The following CXCL13 variants were observed in gnomAD, a reference collection of about 807,000 sequenced individuals.
CXCL13 encodes C-X-C motif chemokine ligand 13.
In CXCL13, 7 loss-of-function variants were observed where a neutral mutation model predicts 12.2. The observed-to-expected ratio is 0.57, with a 90% confidence interval of 0.33 to 1.07. The LOEUF (loss-of-function observed/expected upper bound fraction) is 1.07, where lower values mean the gene tolerates loss of function less well. Ranked by LOEUF, CXCL13 falls within the 50% of genes least tolerant of loss-of-function variation. CXCL13 has a pLI of 0.04. For missense variants in CXCL13, 113 were observed against 127.4 expected (o/e 0.89, Z 0.55); for synonymous variants, 47 against 42.4 (o/e 1.11, Z -0.42).
chr4:77,523,551 T>G (rs1724674698), intron 1 of CXCL13, among the ~76,000 whole-genome samples: 1 of 152,232 alleles, frequency 6.6e-6, no homozygotes, highest in South Asian at 2.1e-4. Context: ...GCCATGGTTT[T>G]CAGCTCCATC....
chr4:77,596,213 G>A (rs1008322374), intron 1 of CXCL13, among the ~76,000 whole-genome samples: 2 of 152,202 alleles, frequency 1.3e-5, no homozygotes, highest in Non-Finnish European at 2.9e-5. Context: ...TGTCCATTAA[G>A]ATGATTTTCT....
chr4:77,550,741 T>C lies in CXCL13; in HGVS notation c.-43+38953T>C, dbSNP rs1725497341. Among the ~76,000 whole-genome samples, 15 of 152,286 alleles carry C rather than the reference T, an allele frequency of 9.8e-5. No individual in the cohort carries two copies. In the South Asian group the frequency reaches 3.1e-3, roughly 32 times the overall value. On this transcript the variant is annotated intron_variant, in intron 1 of 4. Coordinates refer to the CXCL13 transcript ENST00000286758. ...TAAAATTCCCCAATATTATTGTGTC[T>C]ATGTCTAAGTCTTTTCATAGGTCTA... is the stretch of plus-strand genomic sequence containing the variant.
At position 77,517,356 on chromosome 4, in the gene CXCL13, T is replaced by C. The variant is rs536302318; in HGVS notation, c.-43+5568T>C. Among the ~76,000 whole-genome samples the C allele has an allele frequency of 1.5e-3, 223 of 152,310 alleles. 1 individual carries two copies. Among genetic ancestry groups the C allele is most frequent in the Non-Finnish European group, 2.5e-3 (172 of 68,024 alleles). On this transcript the variant is annotated intron_variant, in intron 1 of 4. Transcript: ENST00000286758. The stretch of plus-strand genomic sequence containing the variant: ...TGCAGAGCTGAGTTCAATTCCTGGG[T>C]ATCCTTGTTGACTTTCTGTCTCATT...
chr4:77,552,933 G>A (rs1725568905), intron 1 of CXCL13, among the ~76,000 whole-genome samples: 1 of 152,210 alleles, frequency 6.6e-6, no homozygotes, highest in South Asian at 2.1e-4. Flanking sequence ...ATCTGCATGG[G>A]CGTGGAGCAG....
chr4:77,565,439 T>C (rs1725905403), intron 1 of CXCL13, among the ~76,000 whole-genome samples: 1 of 152,234 alleles, frequency 6.6e-6, no homozygotes, highest in African/African-American at 2.4e-5. Context: ...GAATCTTCTC[T>C]ATGCCACAGA....
intron 1 of CXCL13, among the ~76,000 whole-genome samples, chr4:77,607,165 G>A (rs1727018236): frequency 6.6e-6 from 1 of 152,132 alleles, no homozygotes; most frequent in Non-Finnish European, 1.5e-5. Flanking sequence ...CGGTTTTTAT[G>A]TGTTGGGAGT....
chr4:77,517,360 C>G (rs1724450737), intron 1 of CXCL13, among the ~76,000 whole-genome samples: 1 of 152,024 alleles, frequency 6.6e-6, no homozygotes, highest in Non-Finnish European at 1.5e-5. Flanking sequence ...CCTGGGTATC[C>G]TTGTTGACTT....
chr4:77,610,756 G>A, intron 3 of CXCL13, 62 bp downstream of exon 3: 4 of 1,309,242 alleles, frequency 3.1e-6, no homozygotes, highest in Non-Finnish European at 4.4e-6. Context: ...TCCCTTTCCT[G>A]GGCAGTCAAA....
chr4:77,572,846 A>G (rs1726120622), intron 1 of CXCL13, among the ~76,000 whole-genome samples: 1 of 151,958 alleles, frequency 6.6e-6, no homozygotes, highest in Non-Finnish European at 1.5e-5. Flanking sequence ...AATGCTCATC[A>G]GTGGTAGATT....
chr4:77,574,030 AG>A (rs1192347779), intron 1 of CXCL13, among the ~76,000 whole-genome samples: 10 of 151,990 alleles, frequency 6.6e-5, no homozygotes, highest in Admixed American at 6.5e-4. Context: ...CTTGCTTAAA[AG>A]CCAGAGGTGT....
chr4:77,586,291 A>G (rs1726456606), intron 1 of CXCL13, among the ~76,000 whole-genome samples: 2 of 152,022 alleles, frequency 1.3e-5, no homozygotes, highest in African/African-American at 2.4e-5. Flanking sequence ...TCAAAGGGAC[A>G]CAATGAAATC....
chr4:77,534,272 G>A (rs995691669), intron 1 of CXCL13, among the ~76,000 whole-genome samples: 1 of 151,786 alleles, frequency 6.6e-6, no homozygotes, highest in Non-Finnish European at 1.5e-5. Context: ...TGAACACTAT[G>A]TTCACACAAA....
At chr4:77,569,262 C>T (rs1726008040) in intron 1 of CXCL13, among the ~76,000 whole-genome samples, 1 of 152,104 alleles carries the variant, frequency 6.6e-6, no homozygotes, top group African/African-American at 2.4e-5. Flanking sequence ...AAGTCTTGGC[C>T]AGAGCAATCA....
chr4:77,582,381 G>T lies in CXCL13; in HGVS notation c.-42-23443G>T, dbSNP rs530243722. On this transcript the variant is annotated intron_variant, in intron 1 of 4. Transcript: ENST00000286758. ...AAGAGACCATGCAATAACAAAGGAA[G>T]GTGACCTAGATCGGGTAGGCAGTGG... Among the ~76,000 whole-genome samples the T allele has an allele frequency of 2.0e-5, 3 of 152,330 alleles. No homozygotes were observed. The South Asian group carries it at 6.2e-4, about 32-fold the overall frequency.
intron 1 of CXCL13, among the ~76,000 whole-genome samples, chr4:77,548,526 C>T (rs1725431320): frequency 6.6e-6 from 1 of 152,184 alleles, no homozygotes; most frequent in Admixed American, 6.5e-5. Flanking sequence ...ATCATTTACC[C>T]TTTTGAGCAA....
At chr4:77,569,291 AG>A (rs1241124432) in intron 1 of CXCL13, among the ~76,000 whole-genome samples, 4 of 152,232 alleles carry the variant, frequency 2.6e-5, no homozygotes, top group Admixed American at 2.0e-4. Context: ...AGAGAAATAA[AG>A]GGCATCCAAA....
chr4:77,521,467 T>G (rs1413447552), intron 1 of CXCL13, among the ~76,000 whole-genome samples: 1 of 152,216 alleles, frequency 6.6e-6, no homozygotes, highest in Admixed American at 6.5e-5. Flanking sequence ...GTCCAGGAAT[T>G]TATCCATTTC....
chr4:77,557,358 G>A (rs1439492623), intron 1 of CXCL13, among the ~76,000 whole-genome samples: 2 of 152,082 alleles, frequency 1.3e-5, no homozygotes, highest in Admixed American at 6.6e-5. Context: ...TGCTGCAGGG[G>A]GCCTGGAACC....
At chr4:77,568,941 G>A (rs1269234495) in intron 1 of CXCL13, among the ~76,000 whole-genome samples, 4 of 152,054 alleles carry the variant, frequency 2.6e-5, no homozygotes, top group African/African-American at 4.8e-5. Context: ...AAATTTGCAG[G>A]GGAAAATAGC....
Sources: allele counts gnomAD v4.1 joint callset (sites outside exome capture counted in the v4.1 genomes callset), GRCh38; gene constraint gnomAD v4.1.1; transcripts MANE v1.5; gene names NCBI Gene and HGNC (gene_info 2026-07-23, HGNC 2026-07-21).